The following JAK2 variants were observed in gnomAD, a reference collection of about 807,000 sequenced individuals.
JAK2 encodes tyrosine-protein kinase JAK2.
A neutral mutation model predicts 139.3 loss-of-function variants in JAK2; 86 were observed. The ratio of observed to expected loss-of-function variants is 0.62; its 90% CI spans 0.52 to 0.74. The LOEUF (loss-of-function observed/expected upper bound fraction) is 0.74. Among genes scored for constraint, JAK2 ranks in the 30% least tolerant of loss-of-function variants. The pLI is 0.00. For synonymous variants in JAK2, 490 were observed against 437.7 expected, an observed-to-expected ratio of 1.12 and a Z score of -1.49; for missense variants, 1,421 against 1,360.3, an observed-to-expected ratio of 1.04 and a Z score of -0.70.
chr9:5,128,551 T>A lies in JAK2; in HGVS notation c.*1760T>A, dbSNP rs932509052. On this transcript the variant is annotated 3_prime_UTR_variant, in exon 25 of 25. Transcript: ENST00000381652. ...CTACATACTTAAAAGTAGGTTCTTA[T>A]CAAGGGTCTCTAACATTGCTTTTTA... Among the ~76,000 whole-genome samples, 12 of 151,928 alleles carry A rather than the reference T, an allele frequency of 7.9e-5. No homozygotes were observed. Among genetic ancestry groups the A allele is most frequent in the African/African-American group, 2.9e-4 (12 of 41,456 alleles).
intron 13 of JAK2, among the ~76,000 whole-genome samples, chr9:5,073,179 T>C (rs1819086172): frequency 6.6e-6 from 1 of 152,236 alleles, no homozygotes; most frequent in South Asian, 2.1e-4. Context: ...TAATCCAGAA[T>C]ACCACAGTAT....
At chr9:5,125,452 G>C (rs1027939838) in intron 23 of JAK2, among the ~76,000 whole-genome samples, 3 of 151,300 alleles carry the variant, frequency 2.0e-5, no homozygotes, top group African/African-American at 7.3e-5. Flanking sequence ...AGTCTTTTAA[G>C]TAACACTTCA....
intron 19 of JAK2, among the ~76,000 whole-genome samples, chr9:5,083,758 C>T (rs1819879081): frequency 7.1e-6 from 1 of 141,556 alleles, no homozygotes; most frequent in Admixed American, 7.0e-5. Flanking sequence ...AAACAGCAGA[C>T]TAAATTATAA....
At chr9:5,112,397 G>A in intron 22 of JAK2, 1 of 451,106 alleles carries the variant, frequency 2.2e-6, no homozygotes, top group South Asian at 2.6e-5. Flanking sequence ...TCAAGCGGGA[G>A]GAGGAGGATG....
intron 19 of JAK2, among the ~76,000 whole-genome samples, chr9:5,083,229 A>G (rs577529154): frequency 3.9e-5 from 6 of 152,168 alleles, no homozygotes; most frequent in Non-Finnish European, 8.8e-5. Context: ...CTTAGGGTCT[A>G]GGATTTTGAC....
At chr9:5,075,798 G>C (rs976053801) in intron 14 of JAK2, among the ~76,000 whole-genome samples, 1 of 152,160 alleles carries the variant, frequency 6.6e-6, no homozygotes, top group African/African-American at 2.4e-5. Flanking sequence ...AATACATTTT[G>C]TAAGGCTAAG....
chr9:5,092,835 C>A (rs1237901139), intron 22 of JAK2, among the ~76,000 whole-genome samples: 1 of 152,022 alleles, frequency 6.6e-6, no homozygotes, highest in East Asian at 1.9e-4. Flanking sequence ...CTTAGTTCAG[C>A]TTTAAACTTA....
chr9:5,073,669 C>G (rs1199708085), intron 13 of JAK2, 29 bp from the exon 14 acceptor site: 1 of 1,527,556 alleles, frequency 6.5e-7, no homozygotes, highest in Non-Finnish European at 9.0e-7. Context: ...AGTCAAACAA[C>G]AATTCTTTGT....
chr9:5,008,959 T>C (rs904314130), intron 2 of JAK2, among the ~76,000 whole-genome samples: 1 of 152,232 alleles, frequency 6.6e-6, no homozygotes, highest in African/African-American at 2.4e-5. Context: ...GGAGTTTGTC[T>C]TGACTGTCTT....
chr9:5,070,124 C>A, intron 12 of JAK2, 72 bp downstream of exon 12: 2 of 1,069,356 alleles, frequency 1.9e-6, no homozygotes, highest in Non-Finnish European at 2.7e-6. Context: ...GATTTACATT[C>A]ATGTGACATT....
In JAK2 at chr9:5,090,719, G is replaced by T; in HGVS notation, c.2887-20G>T. On this transcript the variant is annotated intron_variant, in intron 21 of 24. Transcript: ENST00000381652. ...TTTATATTTATAAAACTAGCTGAAA[G>T]AAAAATGTTTTATCCATAGGGTATG... 1 of 1,569,812 alleles carries T rather than the reference G, an allele frequency of 6.4e-7. No individual in the cohort carries two copies. The highest frequency in any genetic ancestry group is 8.6e-7 in the Non-Finnish European group (1 of 1,164,596).
intron 8 of JAK2, among the ~76,000 whole-genome samples, chr9:5,057,653 G>C (rs899648094): frequency 4.7e-5 from 7 of 148,262 alleles, no homozygotes; most frequent in African/African-American, 1.0e-4. Flanking sequence ...CGCGATCTTG[G>C]CTCACTGTAA....
rs2130676061 is a variant in JAK2 at position 5,089,850 on chromosome 9, G to A, written c.2748G>A (p.Val916=). 1.6e-5 allele frequency: 24 copies of A among 1,521,854 alleles called. No homozygotes were observed. Among genetic ancestry groups the A allele is most frequent in the Non-Finnish European group, 2.1e-5 (24 of 1,139,090 alleles). 94.3% of individuals were successfully genotyped at this position (1,521,854 alleles called of 1,614,324 possible). The change falls in exon 20 of 25, where the codon GTG becomes GTA. Residue 916 remains valine, a synonymous_variant. Transcript: ENST00000381652. ...QHDNIVKYKG[V]CYSAGRRNLK... is the part of the protein sequence containing the mutation. ...ACAACATTGTAAAGTACAAGGGAGT[G>A]TGCTACAGTGCTGGTAAGCTGCCCA...
chr9:5,126,954 T>C lies in JAK2; in HGVS notation c.*163T>C, dbSNP rs1586849072. ...CTCAAAACTTTCAAAGTTTAGTAAGTTTTTCTTCATGAGGCCACCAGTAAA... is the reference window on the plus strand; with the variant it reads ...CTCAAAACTTTCAAAGTTTAGTAAGCTTTTCTTCATGAGGCCACCAGTAAA... On this transcript the variant is annotated 3_prime_UTR_variant, in exon 25 of 25. Transcript: ENST00000381652. The C allele has an allele frequency of 2.5e-6, 1 of 400,766 alleles. No homozygotes were observed. The highest frequency in any genetic ancestry group is 3.9e-5 in the East Asian group (1 of 25,546). The allele number at this position is 400,766 out of a possible 1,614,324, so 24.8% of individuals were successfully genotyped here. A position where few individuals can be genotyped will look rare whatever the true frequency, so the allele number is the denominator to read the frequency against.
chr9:5,047,907 T>G (rs1177821993), intron 5 of JAK2, among the ~76,000 whole-genome samples: 1 of 151,980 alleles, frequency 6.6e-6, no homozygotes, highest in Non-Finnish European at 1.5e-5. Context: ...GGCCTGAAAT[T>G]TTTCAGTAGT....
rs34660349 is a variant in JAK2 at position 4,986,686 on chromosome 9, A to AT, written c.-26+672dup. On this transcript the variant is annotated intron_variant, in intron 2 of 24. Coordinates refer to ENST00000381652, the MANE Select transcript of JAK2 (RefSeq NM_004972.4). ...ATGCTTGGGACCAAAAGTGTTTTGG[A>AT]TTTTTTTTAAAAATTTTGGAATGTT... is the stretch of plus-strand genomic sequence containing the variant. Among the ~76,000 whole-genome samples the AT allele has an allele frequency of 1.4e-4, 22 of 152,200 alleles. No homozygotes were observed. In the South Asian group the frequency reaches 3.5e-3, roughly 24 times the overall value.
At chr9:5,003,434 A>G (rs371776157) in intron 2 of JAK2, among the ~76,000 whole-genome samples, 150 of 152,090 alleles carry the variant, frequency 9.9e-4, no homozygotes, top group African/African-American at 3.4e-3. Context: ...GTTTTTACAG[A>G]TATTTCCATA....
intron 12 of JAK2, among the ~76,000 whole-genome samples, chr9:5,071,623 G>A (rs1031359513): frequency 6.6e-6 from 1 of 152,108 alleles, no homozygotes; most frequent in Non-Finnish European, 1.5e-5. Flanking sequence ...CAGCAGTTAG[G>A]GAGAAAGAAA....
intron 22 of JAK2, among the ~76,000 whole-genome samples, 167 bp from the exon 23 acceptor site, chr9:5,122,837 A>G (rs1823714302): frequency 6.9e-6 from 1 of 145,108 alleles, no homozygotes; most frequent in Non-Finnish European, 1.5e-5. Flanking sequence ...ATCTAAGTTC[A>G]CAGGTGCCAG....
Sources: gnomAD v4.1 joint callset for allele counts (sites outside exome capture counted in the v4.1 genomes callset) on GRCh38, gnomAD v4.1.1 for gene constraint, MANE v1.5 for transcripts, NCBI Gene and HGNC (gene_info 2026-07-23, HGNC 2026-07-21) for gene names.